Variants in AFG2A observed in about 807,000 individuals in gnomAD.
AFG2A encodes the protein AAA ATPase AFG2A.
the AFG2A span, among the ~76,000 whole-genome samples, chr4:123,284,998 T>G: frequency 2.0e-4 from 30 of 152,302 alleles, no homozygotes; most frequent in Non-Finnish European, 2.9e-5. Flanking sequence ...AGATCATTGT[T>G]ACTCTTGGGT....
chr4:123,210,579 C>T, the AFG2A span, among the ~76,000 whole-genome samples: 1 of 152,088 alleles, frequency 6.6e-6, no homozygotes, highest in African/African-American at 2.4e-5. Flanking sequence ...TTTATCCGTT[C>T]ATTTGTTGAT....
At chr4:123,265,542 T>C in the AFG2A span, among the ~76,000 whole-genome samples, 3 of 152,142 alleles carry the variant, frequency 2.0e-5, no homozygotes, top group African/African-American at 4.8e-5. Context: ...AAGCTAATCA[T>C]ACTCCAGAAC....
chr4:123,262,968 A>C, the AFG2A span, among the ~76,000 whole-genome samples: 1 of 152,182 alleles, frequency 6.6e-6, no homozygotes, highest in Non-Finnish European at 1.5e-5. Context: ...ATGAAAGAAC[A>C]TGGTGTGGTC....
At chr4:123,259,889 C>T in the AFG2A span, 5 of 152,164 alleles carry the variant, frequency 3.3e-5, no homozygotes, top group Admixed American at 3.3e-4. Flanking sequence ...AGGCCAAAGA[C>T]TGATATCTGT....
chr4:123,153,455 AT>A, the AFG2A span, among the ~76,000 whole-genome samples: 2 of 151,980 alleles, frequency 1.3e-5, no homozygotes, highest in Non-Finnish European at 2.9e-5. Context: ...TTTTGTACCC[AT>A]TTTTTTTCTT....
the AFG2A span, among the ~76,000 whole-genome samples, chr4:123,279,257 A>G: frequency 6.6e-6 from 1 of 152,064 alleles, no homozygotes; most frequent in Non-Finnish European, 1.5e-5. Flanking sequence ...CTCTACTAAA[A>G]ATACAAAAAT....
At chr4:122,983,247 GTTGATCTTTTTATATTCTTACA>G in the AFG2A span, among the ~76,000 whole-genome samples, 1 of 151,970 alleles carries the variant, frequency 6.6e-6, no homozygotes. Context: ...AACAACTAAT[GTTGATCTTTTTATATTCTTACA>G]TTGATCTTTT....
the AFG2A span, among the ~76,000 whole-genome samples, chr4:123,168,090 C>T: frequency 6.6e-6 from 1 of 152,176 alleles, no homozygotes; most frequent in Non-Finnish European, 1.5e-5. Context: ...AGGCCTGCTG[C>T]CAGTGGTGGT....
the AFG2A span, among the ~76,000 whole-genome samples, chr4:123,286,125 CTAAG>C: frequency 1.3e-5 from 2 of 152,116 alleles, no homozygotes; most frequent in Non-Finnish European, 2.9e-5. Flanking sequence ...ATAGGTTTTC[CTAAG>C]TGAGTTGAGT....
the AFG2A span, among the ~76,000 whole-genome samples, chr4:123,043,814 A>C: frequency 7.2e-5 from 11 of 152,194 alleles, no homozygotes; most frequent in Non-Finnish European, 1.5e-4. Flanking sequence ...CTTTGTGGTA[A>C]AGGAGGACTC....
the AFG2A span, among the ~76,000 whole-genome samples, chr4:123,011,920 C>T: frequency 7.3e-6 from 1 of 137,116 alleles, no homozygotes; most frequent in Non-Finnish European, 1.5e-5. Flanking sequence ...GGGGTGCTTG[C>T]TTCCCAGGAA....
the AFG2A span, among the ~76,000 whole-genome samples, chr4:123,176,016 A>T: frequency 2.0e-5 from 3 of 152,174 alleles, no homozygotes. Flanking sequence ...AGCTTAAGAA[A>T]GTGGGCATTG....
chr4:122,972,790 T>C, the AFG2A span, among the ~76,000 whole-genome samples: 2 of 152,086 alleles, frequency 1.3e-5, no homozygotes, highest in African/African-American at 4.8e-5. Flanking sequence ...AACTATACTT[T>C]ATGATTTCAA....
the AFG2A span, among the ~76,000 whole-genome samples, chr4:122,951,661 A>G: frequency 6.6e-6 from 1 of 152,140 alleles, no homozygotes; most frequent in Non-Finnish European, 1.5e-5. Context: ...CTTATAGAGG[A>G]GGACCATCCT....
At chr4:122,966,190 A>G in the AFG2A span, among the ~76,000 whole-genome samples, 1 of 152,228 alleles carries the variant, frequency 6.6e-6, no homozygotes, top group South Asian at 2.1e-4. Context: ...ACGTTTATAT[A>G]GAGTCCAGAA....
chr4:123,101,499 T>C, the AFG2A span, among the ~76,000 whole-genome samples: 1 of 151,982 alleles, frequency 6.6e-6, no homozygotes, highest in Non-Finnish European at 1.5e-5. Flanking sequence ...TCCATAGATA[T>C]TTAAAACCAG....
the AFG2A span, among the ~76,000 whole-genome samples, chr4:123,134,572 T>C: frequency 6.6e-6 from 1 of 151,138 alleles, no homozygotes; most frequent in Admixed American, 6.7e-5. Flanking sequence ...TCTGGGCCTT[T>C]GTGATTCCAT....
chr4:122,997,421 AT>A, the AFG2A span, among the ~76,000 whole-genome samples: 1 of 152,176 alleles, frequency 6.6e-6, no homozygotes, highest in Non-Finnish European at 1.5e-5. Flanking sequence ...GGATTATTTT[AT>A]TTAGCATAGG....
the AFG2A span, among the ~76,000 whole-genome samples, chr4:123,185,359 AG>A: frequency 6.6e-6 from 1 of 152,052 alleles, no homozygotes; most frequent in African/African-American, 2.4e-5. Flanking sequence ...CTGTTACAAT[AG>A]CTACTGTAGA....
Sources: gnomAD v4.1 joint callset for allele counts (sites outside exome capture counted in the v4.1 genomes callset) on GRCh38, gnomAD v4.1.1 for gene constraint, MANE v1.5 for transcripts, NCBI Gene and HGNC (gene_info 2026-07-23, HGNC 2026-07-21) for gene names.